The following DPY19L1 variants were observed in gnomAD, a reference collection of about 807,000 sequenced individuals.
DPY19L1 encodes the protein protein C-mannosyl-transferase DPY19L1.
In DPY19L1, 35 loss-of-function variants were observed where a neutral mutation model predicts 96.9. That is an observed-to-expected ratio of 0.36 (90% confidence interval 0.28 to 0.48). The LOEUF (loss-of-function observed/expected upper bound fraction) is 0.48, where lower values mean the gene tolerates loss of function less well. DPY19L1 is among the 20% of genes least tolerant of loss of function. The probability of loss-of-function intolerance (pLI) is 0.99; values close to 1 mark genes in which losing one functional copy is unlikely to be tolerated. For synonymous variants in DPY19L1, 205 were observed against 252.6 expected (o/e 0.81, Z 1.79); for missense variants, 521 against 777.9 (o/e 0.67, Z 3.93).
rs1407005881 is a variant in DPY19L1, at chr7:35,037,447, C to T, written c.-53G>A. 55 of 311,428 alleles carry T rather than the reference C, an allele frequency of 1.8e-4. 1 individual carries two copies. Among genetic ancestry groups the T allele is most frequent in the Admixed American group, 1.1e-3 (21 of 19,736 alleles). The allele number at this position is 311,428 out of a possible 1,614,324, so 19.3% of individuals were successfully genotyped here. A position where few individuals can be genotyped will look rare whatever the true frequency, so the allele number is the denominator to read the frequency against. ...GCGCGCCCGGACGGCGGCCAGAGAA[C>T]GGCGGGCTGGCTGGGCGGCTGGGCG... On this transcript the variant is annotated 5_prime_UTR_variant, in exon 1 of 22. Transcript: ENST00000638088.
chr7:34,999,411 G>A (rs888179103), intron 6 of DPY19L1, among the ~76,000 whole-genome samples: 1 of 152,190 alleles, frequency 6.6e-6, no homozygotes, highest in African/African-American at 2.4e-5. Flanking sequence ...TCAGACAAAT[G>A]TATTTTAAAA....
intron 1 of DPY19L1, among the ~76,000 whole-genome samples, chr7:35,030,866 C>A (rs1004205410): frequency 1.3e-5 from 2 of 152,042 alleles, no homozygotes; most frequent in African/African-American, 4.8e-5. Context: ...AATGAAACTG[C>A]CCTTTATGAG....
intron 1 of DPY19L1, among the ~76,000 whole-genome samples, chr7:35,021,461 T>C (rs1488701902): frequency 6.6e-6 from 1 of 152,236 alleles, no homozygotes; most frequent in Non-Finnish European, 1.5e-5. Flanking sequence ...CTGCCCAATG[T>C]TTTGAATTCC....
chr7:35,012,456 C>T (rs890976818), intron 4 of DPY19L1, among the ~76,000 whole-genome samples: 1 of 152,136 alleles, frequency 6.6e-6, no homozygotes, highest in Non-Finnish European at 1.5e-5. Flanking sequence ...AATCCAGAAA[C>T]ACGTGCAAGC....
intron 4 of DPY19L1, among the ~76,000 whole-genome samples, chr7:35,012,861 G>T (rs1293441409): frequency 6.6e-6 from 1 of 151,854 alleles, no homozygotes; most frequent in East Asian, 1.9e-4. Flanking sequence ...AAATATAGAT[G>T]AAAGGCATGA....
chr7:35,002,145 AAAC>A (rs1785441994), intron 6 of DPY19L1, among the ~76,000 whole-genome samples: 2 of 151,004 alleles, frequency 1.3e-5, no homozygotes, highest in Admixed American at 6.6e-5. Context: ...AAAAAAAACA[AAAC>A]AAAAAACAAC....
intron 4 of DPY19L1, 80 bp downstream of exon 4, chr7:35,013,488 T>C (rs1785765090): frequency 1.8e-6 from 2 of 1,087,350 alleles, no homozygotes; most frequent in South Asian, 1.4e-5. Flanking sequence ...TATTGAATTA[T>C]ATCTTAGATT....
intron 10 of DPY19L1, among the ~76,000 whole-genome samples, chr7:34,965,874 A>G (rs1784597831): frequency 6.6e-6 from 1 of 152,112 alleles, no homozygotes; most frequent in African/African-American, 2.4e-5. Flanking sequence ...TTTGATATCT[A>G]CTTGGCTAAC....
At chr7:35,007,486 AG>A (rs1447658691) in intron 6 of DPY19L1, among the ~76,000 whole-genome samples, 5 of 152,164 alleles carry the variant, frequency 3.3e-5, no homozygotes, top group Non-Finnish European at 7.4e-5. Flanking sequence ...AAATGCTCTA[AG>A]GTAAAAGCTG....
chr7:35,027,920 T>G (rs1334381695), intron 1 of DPY19L1, among the ~76,000 whole-genome samples: 2 of 152,198 alleles, frequency 1.3e-5, no homozygotes, highest in African/African-American at 2.4e-5. Context: ...ATCAGTGGTC[T>G]ACATGATGAT....
intron 16 of DPY19L1, among the ~76,000 whole-genome samples, chr7:34,944,567 T>A (rs575940688): frequency 4.6e-5 from 7 of 152,066 alleles, no homozygotes; most frequent in Non-Finnish European, 1.0e-4. Flanking sequence ...TAAAAATCTC[T>A]AAATTTTAAA....
At chr7:34,936,963 T>C (rs982143517) in intron 21 of DPY19L1, among the ~76,000 whole-genome samples, 69 of 152,374 alleles carry the variant, frequency 4.5e-4, no homozygotes, top group Non-Finnish European at 9.1e-4. Flanking sequence ...AGTTACAGAA[T>C]AGTAAGAATT....
upstream of DPY19L1, chr7:35,037,850 C>A: frequency 8.1e-7 from 1 of 1,234,024 alleles, no homozygotes; most frequent in East Asian, 3.2e-5. Context: ...TCGGCCGGTG[C>A]GAGGACGCGG....
chr7:34,974,997 G>A (rs1160473612), intron 7 of DPY19L1, among the ~76,000 whole-genome samples: 1 of 152,082 alleles, frequency 6.6e-6, no homozygotes, highest in African/African-American at 2.4e-5. Flanking sequence ...ATAAATGTGT[G>A]TGTTCTAACT....
rs541652875 is a variant in DPY19L1, at chr7:34,979,218, T to C, written c.823-5613A>G. The stretch of plus-strand genomic sequence containing the variant: ...TGTTGCAATGACTCGAACTTGACCA[T>C]TGCTTATTCATCTAAAATAGAAAAT... On this transcript the variant is annotated intron_variant, in intron 7 of 21. Transcript: ENST00000638088. Among the ~76,000 whole-genome samples, 7 of 152,246 alleles carry C rather than the reference T, an allele frequency of 4.6e-5. No individual in the cohort carries two copies. In the South Asian group the frequency reaches 6.2e-4, roughly 14 times the overall value.
At chr7:34,986,117 A>T (rs1040846102) in intron 7 of DPY19L1, among the ~76,000 whole-genome samples, 1 of 152,052 alleles carries the variant, frequency 6.6e-6, no homozygotes, top group African/African-American at 2.4e-5. Context: ...AATCTCACAG[A>T]AACAGAGAAC....
At chr7:34,948,209 C>T (rs1404478840) in intron 14 of DPY19L1, among the ~76,000 whole-genome samples, 1 of 152,132 alleles carries the variant, frequency 6.6e-6, no homozygotes, top group East Asian at 1.9e-4. Context: ...AAGCCCTACA[C>T]ATTGTGAGCC....
chr7:35,003,482 A>C (rs1401822206), intron 6 of DPY19L1, among the ~76,000 whole-genome samples: 5 of 152,234 alleles, frequency 3.3e-5, no homozygotes, highest in Non-Finnish European at 7.3e-5. Flanking sequence ...TGCTGGCATC[A>C]GTTAAAGACA....
At chr7:35,010,336 G>C (rs1294616441) in intron 6 of DPY19L1, 132 bp downstream of exon 6, 2 of 594,386 alleles carry the variant, frequency 3.4e-6, no homozygotes, top group Non-Finnish European at 5.8e-6. Context: ...TGCAAATAAT[G>C]AATTTTATGA....
Sources: allele counts gnomAD v4.1 joint callset (sites outside exome capture counted in the v4.1 genomes callset), GRCh38; gene constraint gnomAD v4.1.1; transcripts MANE v1.5; gene names NCBI Gene and HGNC (gene_info 2026-07-23, HGNC 2026-07-21).